The following XKR6 variants were observed in gnomAD, a reference collection of about 807,000 sequenced individuals.
XKR6 encodes the protein XK related 6.
A neutral mutation model predicts 56.7 loss-of-function variants in XKR6; 22 were observed. The observed-to-expected ratio is 0.39, with a 90% CI of 0.28 to 0.55. The LOEUF (loss-of-function observed/expected upper bound fraction) is 0.55, where lower values mean the gene tolerates loss of function less well. Among genes scored for constraint, XKR6 ranks in the 20% least tolerant of loss-of-function variants. The pLI, the probability that XKR6 is intolerant of heterozygous loss-of-function variation, is 0.66. For missense variants in XKR6, 852 were observed against 889.0 expected (o/e 0.96, Z 0.53); for synonymous variants, 524 against 387.8 (o/e 1.35, Z -4.13).
Position 10,898,951 on chromosome 8 carries a change from C to G in XKR6, c.962-35G>C, listed in dbSNP as rs1466937944. 1.3e-6 allele frequency: 2 copies of G among 1,556,612 alleles called. No individual in the cohort carries two copies. The highest frequency in any genetic ancestry group is 2.5e-5 in the South Asian group (2 of 81,248). On this transcript the variant is annotated intron_variant, in intron 2 of 2. Coordinates refer to ENST00000416569, the MANE Select transcript of XKR6 (RefSeq NM_173683.4). This position sits in a 1 kb window ranked among gnomAD's most constrained non-coding sequence, Gnocchi z 6.6. ...AGACACAAACCCACACAGTCAAAAC[C>G]TTGGACATCAACCGCAGGGCACAGT...
chr8:10,999,178 ATG>A (rs1399237851), intron 1 of XKR6, among the ~76,000 whole-genome samples: 2 of 152,198 alleles, frequency 1.3e-5, no homozygotes, highest in East Asian at 3.8e-4. Context: ...AGGACCCACT[ATG>A]TGTGTGAAGG....
chr8:11,085,592 G>T (rs1797859872), intron 1 of XKR6, among the ~76,000 whole-genome samples: 1 of 152,168 alleles, frequency 6.6e-6, no homozygotes. Context: ...GACGAGGAGG[G>T]GGCCAGAGCG....
chr8:11,104,092 T>C (rs73662695), intron 1 of XKR6, among the ~76,000 whole-genome samples: 3,592 of 152,312 alleles, frequency 0.024, 157 homozygotes, highest in African/African-American at 0.079. Flanking sequence ...GCCTCACTAA[T>C]CATAGCCCAG....
At chr8:11,062,692 G>C (rs1055464087) in intron 1 of XKR6, 4 of 453,636 alleles carry the variant, frequency 8.8e-6, no homozygotes, top group African/African-American at 2.0e-5. Flanking sequence ...TTTTTAGTTA[G>C]AGTTTCATCT....
intron 1 of XKR6, chr8:11,138,633 T>C (rs992120324): frequency 1.3e-5 from 2 of 152,212 alleles, no homozygotes; most frequent in African/African-American, 4.8e-5. Context: ...CTCAACTCCA[T>C]GCAACAAAGG....
chr8:11,082,586 GCTC>G (rs974992004), intron 1 of XKR6, among the ~76,000 whole-genome samples: 1 of 152,202 alleles, frequency 6.6e-6, no homozygotes, highest in Admixed American at 6.5e-5. Flanking sequence ...GGACCACCTG[GCTC>G]CTCCTCCTCC....
intron 2 of XKR6, among the ~76,000 whole-genome samples, chr8:10,900,090 G>T (rs1315276673): frequency 6.6e-6 from 1 of 152,032 alleles, no homozygotes; most frequent in Non-Finnish European, 1.5e-5. Flanking sequence ...ACAACTAAAT[G>T]TAAGTAAATG....
At chr8:10,995,098 A>T (rs898921020) in intron 1 of XKR6, among the ~76,000 whole-genome samples, 4 of 152,226 alleles carry the variant, frequency 2.6e-5, no homozygotes, top group South Asian at 4.1e-4. Context: ...TCAACATTGC[A>T]AAAAGCCTTA....
chr8:11,085,452 G>C (rs562334978), intron 1 of XKR6, among the ~76,000 whole-genome samples: 4 of 152,218 alleles, frequency 2.6e-5, no homozygotes, highest in African/African-American at 9.6e-5. Flanking sequence ...GTGTGTGTGT[G>C]TGTGTATGTA....
At chr8:11,139,943 C>G (rs1020156273) in intron 1 of XKR6, among the ~76,000 whole-genome samples, 1 of 152,052 alleles carries the variant, frequency 6.6e-6, no homozygotes, top group Non-Finnish European at 1.5e-5. Context: ...GAAAATGATA[C>G]AAGCCATGAA....
At chr8:10,930,210 A>C (rs1439479408) in intron 1 of XKR6, among the ~76,000 whole-genome samples, 1 of 152,196 alleles carries the variant, frequency 6.6e-6, no homozygotes, top group African/African-American at 2.4e-5. Context: ...CTGGGCCCAC[A>C]GTCTCCAGCT....
intron 1 of XKR6, among the ~76,000 whole-genome samples, chr8:11,034,883 T>G (rs1177396753): frequency 6.6e-6 from 1 of 152,212 alleles, no homozygotes; most frequent in East Asian, 1.9e-4. Flanking sequence ...TCCCTCACAG[T>G]GATGCATAAG....
chr8:10,982,393 A>G (rs1174702776), intron 1 of XKR6, among the ~76,000 whole-genome samples: 1 of 152,228 alleles, frequency 6.6e-6, no homozygotes, highest in Admixed American at 6.5e-5. Flanking sequence ...TGACAGGCAC[A>G]TCAGCTCTCT....
intron 2 of XKR6, among the ~76,000 whole-genome samples, chr8:10,904,826 T>G (rs1484762486): frequency 6.6e-6 from 1 of 152,194 alleles, no homozygotes; most frequent in Non-Finnish European, 1.5e-5. Flanking sequence ...CAACTGCCCC[T>G]GAGCCAGAGC....
chr8:10,993,975 C>G (rs993782540), intron 1 of XKR6, among the ~76,000 whole-genome samples: 1 of 152,224 alleles, frequency 6.6e-6, no homozygotes, highest in Admixed American at 6.5e-5. Flanking sequence ...AAGCCTTGCT[C>G]TGCCCTATCA....
In XKR6 at chr8:11,149,141, G is replaced by C. The variant is rs115581580; in HGVS notation, c.764+51435C>G. Among the ~76,000 whole-genome samples, 480 of 152,246 alleles carry C rather than the reference G, an allele frequency of 3.2e-3. 2 individuals carry two copies. The highest frequency in any genetic ancestry group is 0.011 in the African/African-American group (463 of 41,544). ...AATGTGATGGAATCAGGAGCCCGTG[G>C]GAGGTACAGTCATGTGTCACTTAAG... On this transcript the variant is annotated intron_variant, in intron 1 of 2. Transcript: ENST00000416569.
At chr8:11,086,763 G>C (rs1797906479) in intron 1 of XKR6, among the ~76,000 whole-genome samples, 1 of 152,212 alleles carries the variant, frequency 6.6e-6, no homozygotes, top group Admixed American at 6.5e-5. Flanking sequence ...CCAGTGAAAA[G>C]GGAGACTTCA....
At chr8:11,127,731 A>G (rs1027629910) in intron 1 of XKR6, among the ~76,000 whole-genome samples, 1 of 152,102 alleles carries the variant, frequency 6.6e-6, no homozygotes, top group Middle Eastern at 3.2e-3. Context: ...CAAATCCTTA[A>G]TCACCTCTGT....
In XKR6 at chr8:11,200,929, C is replaced by G. The variant is rs1804188089; in HGVS notation, c.411G>C (p.Leu137=). The change falls in exon 1 of 3, where the codon CTG becomes CTC. Residue 137 remains leucine, a synonymous_variant. Transcript: ENST00000416569. This position sits in a 1 kb window ranked among gnomAD's most constrained non-coding sequence, Gnocchi z 6.4. ...LDCLWIVLAL[L]VFFGDVGTDL... ...CGGTGCCCACGTCCCCGAAGAACAC[C>G]AGCAGCGCCAGCACGATCCACAGGC... 6.2e-7 allele frequency: 1 copy of G among 1,606,216 alleles called. No individual in the cohort carries two copies. Among genetic ancestry groups the G allele is most frequent in the South Asian group, 1.1e-5 (1 of 90,844 alleles).
Sources: gnomAD v4.1 joint callset for allele counts (sites outside exome capture counted in the v4.1 genomes callset) on GRCh38, gnomAD v4.1.1 for gene constraint, Gnocchi (gnomAD v3.1) non-coding constraint, MANE v1.5 for transcripts, NCBI Gene and HGNC (gene_info 2026-07-23, HGNC 2026-07-21) for gene names.